Variants in KCNJ6 observed in about 807,000 individuals in gnomAD.
KCNJ6 encodes the protein potassium inwardly rectifying channel subfamily J member 6, also known as G protein-activated inward rectifier potassium channel 2.
In KCNJ6, 9 loss-of-function variants were observed where a neutral mutation model predicts 34.2. That is an observed-to-expected ratio of 0.26 (90% CI 0.16 to 0.46). The LOEUF (loss-of-function observed/expected upper bound fraction) is 0.46, where lower values mean the gene tolerates loss of function less well. Among genes scored for constraint, KCNJ6 ranks in the 20% least tolerant of loss-of-function variants. KCNJ6 has a pLI of 1.00. For synonymous variants in KCNJ6, 196 were observed against 207.1 expected (o/e 0.95, Z 0.46); for missense variants, 236 against 531.3 (o/e 0.44, Z 5.46).
chr21:37,682,136 G>T (rs781706385), intron 3 of KCNJ6, among the ~76,000 whole-genome samples: 2 of 152,162 alleles, frequency 1.3e-5, no homozygotes, highest in Non-Finnish European at 2.9e-5. Flanking sequence ...TCCTGCAGCC[G>T]CAGTAACAAA....
chr21:37,833,915 A>C (rs1227428274), intron 2 of KCNJ6, among the ~76,000 whole-genome samples: 1 of 152,032 alleles, frequency 6.6e-6, no homozygotes, highest in Non-Finnish European at 1.5e-5. Context: ...TTATCAAATG[A>C]CTCCTTCTAC....
intron 3 of KCNJ6, among the ~76,000 whole-genome samples, chr21:37,693,221 A>G (rs1002373185): frequency 6.6e-6 from 1 of 150,500 alleles, no homozygotes; most frequent in Non-Finnish European, 1.5e-5. Flanking sequence ...TTGAAGGTAG[A>G]ACTGATGTTT....
chr21:37,748,640 G>C (rs1568832860), intron 2 of KCNJ6, among the ~76,000 whole-genome samples: 2 of 152,222 alleles, frequency 1.3e-5, no homozygotes. Context: ...GGTTCTTCCA[G>C]TAACTGCCTG....
chr21:37,703,774 C>T (rs1304197176), intron 3 of KCNJ6, among the ~76,000 whole-genome samples: 3 of 152,192 alleles, frequency 2.0e-5, no homozygotes, highest in Non-Finnish European at 4.4e-5. Flanking sequence ...AGGACAGAAA[C>T]GCCACTGTGC....
rs78740849 is a variant in KCNJ6 at position 37,915,467 on chromosome 21, C to G, written c.-28+417G>C. 4.6e-3 allele frequency among the ~76,000 whole-genome samples: 695 copies of G among 152,296 alleles called. 5 individuals carry two copies. The highest frequency in any genetic ancestry group is 0.015 in the African/African-American group (615 of 41,560). ...CCTCTCCTCTCCATGCAAAGCAGAACAAGAAGACTGCCTTCCACAAAGACA... is the reference window on the plus strand; with the variant it reads ...CCTCTCCTCTCCATGCAAAGCAGAAGAAGAAGACTGCCTTCCACAAAGACA... On this transcript the variant is annotated intron_variant, in intron 1 of 3. Coordinates refer to ENST00000609713, the MANE Select transcript of KCNJ6 (RefSeq NM_002240.5).
chr21:37,843,968 T>C (rs998163190), intron 1 of KCNJ6, among the ~76,000 whole-genome samples: 1 of 152,204 alleles, frequency 6.6e-6, no homozygotes, highest in Non-Finnish European at 1.5e-5. Context: ...TTTCCATGAA[T>C]GGCTGGCAAT....
Position 37,620,036 on chromosome 21 carries a change from A to T in KCNJ6, c.*5123T>A, listed in dbSNP as rs981044490. 10 of 152,188 alleles carry T rather than the reference A, an allele frequency of 6.6e-5. No homozygotes were observed. The highest frequency in any genetic ancestry group is 5.9e-4 in the Admixed American group (9 of 15,278). 9.4% of individuals were successfully genotyped at this position (152,188 alleles called of 1,614,324 possible). ...GCAGTTGTCTCTTTGACAACCGAAA[A>T]AAAAGAGTTATGTTATTTTGAACAG... On this transcript the variant is annotated 3_prime_UTR_variant, in exon 4 of 4. Transcript: ENST00000609713.
intron 2 of KCNJ6, among the ~76,000 whole-genome samples, chr21:37,719,059 G>GGAAATGTGAGAGTTCTGGGAGAGAAGA (rs1569451513): frequency 6.6e-6 from 1 of 152,068 alleles, no homozygotes; most frequent in African/African-American, 2.4e-5. Flanking sequence ...AAAAAGCCAA[G>GGAAATGTGAGAGTTCTGGGAGAGAAGA]GAAATGTGAG....
At chr21:37,655,796 C>T (rs544511653) in intron 3 of KCNJ6, among the ~76,000 whole-genome samples, 6 of 152,286 alleles carry the variant, frequency 3.9e-5, no homozygotes, top group South Asian at 4.1e-4. Context: ...GAGGCCAGCC[C>T]TGGGGCAGAA....
At chr21:37,652,187 G>A (rs978755758) in intron 3 of KCNJ6, among the ~76,000 whole-genome samples, 3 of 152,214 alleles carry the variant, frequency 2.0e-5, no homozygotes, top group African/African-American at 7.2e-5. Flanking sequence ...GGAAGCTTCA[G>A]GTCATAGGAG....
chr21:37,828,803 C>T (rs554590896), intron 2 of KCNJ6, among the ~76,000 whole-genome samples: 3 of 152,342 alleles, frequency 2.0e-5, no homozygotes. Flanking sequence ...CTGCCTTCTC[C>T]CAGCTGTGGA....
intron 3 of KCNJ6, among the ~76,000 whole-genome samples, chr21:37,704,319 A>C (rs924638934): frequency 3.5e-5 from 5 of 141,594 alleles, no homozygotes; most frequent in Non-Finnish European, 6.4e-5. Context: ...GGAAACATAA[A>C]GTACATATTA....
chr21:37,607,482 A>ATATATATATATATATTTTT lies in KCNJ6; in HGVS notation c.*17676_*17677insAAAAATATATATATATATA. 158 of 136,720 alleles carry ATATATATATATATATTTTT rather than the reference A, an allele frequency of 1.2e-3. No individual in the cohort carries two copies. The highest frequency in any genetic ancestry group is 3.9e-3 in the Middle Eastern group (1 of 258). 8.5% of individuals were successfully genotyped at this position (136,720 alleles called of 1,614,324 possible). A position where few individuals can be genotyped will look rare whatever the true frequency, so the allele number is the denominator to read the frequency against. On this transcript the variant is annotated 3_prime_UTR_variant, in exon 4 of 4. Transcript: ENST00000609713. ...CTTAAAGATATATATATATATATAT[A>ATATATATATATATATTTTT]TTTTTTTTTTATTTTAAAAAAATTT...
At chr21:37,866,082 C>T (rs1052213413) in intron 1 of KCNJ6, among the ~76,000 whole-genome samples, 12 of 152,176 alleles carry the variant, frequency 7.9e-5, no homozygotes, top group African/African-American at 2.9e-4. Context: ...GGGAGGTTAT[C>T]GCAGATAATC....
intron 2 of KCNJ6, among the ~76,000 whole-genome samples, chr21:37,809,381 G>A (rs933063347): frequency 6.6e-6 from 1 of 151,868 alleles, no homozygotes; most frequent in Non-Finnish European, 1.5e-5. Context: ...GTTGTGGGGT[G>A]GGGAGAGGGG....
chr21:37,680,332 G>T (rs1438959307), intron 3 of KCNJ6, among the ~76,000 whole-genome samples: 1 of 152,168 alleles, frequency 6.6e-6, no homozygotes, highest in Admixed American at 6.5e-5. Flanking sequence ...CCCTCCCTGA[G>T]ACTGAGCCAG....
At chr21:37,826,518 G>A (rs896865957) in intron 2 of KCNJ6, among the ~76,000 whole-genome samples, 7 of 151,876 alleles carry the variant, frequency 4.6e-5, no homozygotes, top group Admixed American at 1.3e-4. Flanking sequence ...AGACTCACAG[G>A]TATGGCTCCT....
chr21:37,712,070 G>A (rs928428190), intron 3 of KCNJ6, among the ~76,000 whole-genome samples: 1 of 152,144 alleles, frequency 6.6e-6, no homozygotes, highest in Non-Finnish European at 1.5e-5. Context: ...TCTGACTCAG[G>A]GACATCACAA....
intron 2 of KCNJ6, among the ~76,000 whole-genome samples, chr21:37,747,164 C>G (rs1027860485): frequency 6.6e-6 from 1 of 152,198 alleles, no homozygotes; most frequent in African/African-American, 2.4e-5. Context: ...GACACAAAGA[C>G]ACAAGTGTAG....
Sources: gnomAD v4.1 joint callset for allele counts (sites outside exome capture counted in the v4.1 genomes callset) on GRCh38, gnomAD v4.1.1 for gene constraint, MANE v1.5 for transcripts, NCBI Gene and HGNC (gene_info 2026-07-23, HGNC 2026-07-21) for gene names.